The following PEAK1 variants were observed in gnomAD, a reference collection of about 807,000 sequenced individuals.
PEAK1 encodes the protein inactive tyrosine-protein kinase PEAK1.
In PEAK1, 54 loss-of-function variants were observed where a neutral mutation model predicts 124.7. The observed-to-expected ratio is 0.43, with a 90% CI of 0.35 to 0.54. The LOEUF (loss-of-function observed/expected upper bound fraction) is 0.54, where lower values mean the gene tolerates loss of function less well. Among genes scored for constraint, PEAK1 ranks in the 20% least tolerant of loss-of-function variants. PEAK1 has a pLI of 0.01. For synonymous variants in PEAK1, 719 were observed against 760.0 expected (o/e 0.95, Z 0.89); for missense variants, 2,046 against 2,134.5 (o/e 0.96, Z 0.82).
intron 8 of PEAK1, among the ~76,000 whole-genome samples, chr15:77,140,479 AG>A (rs2053686898): frequency 6.6e-6 from 1 of 152,202 alleles, no homozygotes; most frequent in Admixed American, 6.5e-5. Context: ...AATGGAATAA[AG>A]GGGGAAAAAA....
intron 5 of PEAK1, among the ~76,000 whole-genome samples, chr15:77,262,283 C>T (rs1213475018): frequency 2.6e-5 from 4 of 152,048 alleles, no homozygotes; most frequent in African/African-American, 7.3e-5. Context: ...TGTAAATGGG[C>T]TAAATGCTCC....
chr15:77,353,447 G>C (rs778869694), intron 2 of PEAK1, among the ~76,000 whole-genome samples: 1 of 152,190 alleles, frequency 6.6e-6, no homozygotes, highest in Non-Finnish European at 1.5e-5. Flanking sequence ...CTGGGTGGTG[G>C]ACCGAAGCTG....
At chr15:77,124,428 A>G (rs979857098) in intron 9 of PEAK1, among the ~76,000 whole-genome samples, 2 of 152,094 alleles carry the variant, frequency 1.3e-5, no homozygotes, top group Non-Finnish European at 2.9e-5. Flanking sequence ...ACCCATTGAG[A>G]TCTCATCTTT....
chr15:77,359,722 T>A (rs968038524), intron 2 of PEAK1, among the ~76,000 whole-genome samples: 1 of 152,114 alleles, frequency 6.6e-6, no homozygotes, highest in Non-Finnish European at 1.5e-5. Flanking sequence ...TACTTAGGAA[T>A]AAATTTAACA....
At chr15:77,278,633 A>G (rs1354019935) in intron 5 of PEAK1, 15 of 519,376 alleles carry the variant, frequency 2.9e-5, no homozygotes, top group Admixed American at 2.6e-4. Context: ...CAAAGGAGAA[A>G]TGGGAAAAGC....
intron 8 of PEAK1, among the ~76,000 whole-genome samples, chr15:77,137,701 C>T (rs992222719): frequency 6.6e-6 from 1 of 152,128 alleles, no homozygotes; most frequent in African/African-American, 2.4e-5. Context: ...GTGGAAGGGA[C>T]TTGCCTTGTC....
At chr15:77,387,556 C>T (rs1314914307) in intron 1 of PEAK1, among the ~76,000 whole-genome samples, 1 of 152,104 alleles carries the variant, frequency 6.6e-6, no homozygotes, top group African/African-American at 2.4e-5. Flanking sequence ...CTTAGCAGAA[C>T]TGAGAATTAC....
chr15:77,148,174 G>A (rs551764325), intron 8 of PEAK1, among the ~76,000 whole-genome samples: 328 of 152,296 alleles, frequency 2.2e-3, no homozygotes, highest in South Asian at 6.0e-3. Context: ...AGCTCTTTGT[G>A]GGAATGGTTC....
At chr15:77,390,856 C>A (rs1020249187) in intron 1 of PEAK1, among the ~76,000 whole-genome samples, 2 of 152,170 alleles carry the variant, frequency 1.3e-5, no homozygotes, top group African/African-American at 4.8e-5. Context: ...TTAAACAGGA[C>A]AATAAACTGT....
intron 2 of PEAK1, among the ~76,000 whole-genome samples, chr15:77,358,222 T>A (rs989127653): frequency 2.0e-5 from 3 of 152,156 alleles, no homozygotes; most frequent in African/African-American, 7.2e-5. Flanking sequence ...CCCCTACCTC[T>A]GTATATATGC....
chr15:77,348,177 A>T, intron 2 of PEAK1: 1 of 971,972 alleles, frequency 1.0e-6, no homozygotes, highest in Non-Finnish European at 1.2e-6. Flanking sequence ...CTTAAGCCAC[A>T]TGCTAAGAAA....
intron 2 of PEAK1, chr15:77,334,783 T>C: frequency 1.0e-6 from 1 of 985,450 alleles, no homozygotes; most frequent in Non-Finnish European, 1.2e-6. Flanking sequence ...TGTCTTATTT[T>C]GTCATTTTGA....
chr15:77,383,694 T>A (rs914335755), intron 1 of PEAK1, among the ~76,000 whole-genome samples: 1 of 152,234 alleles, frequency 6.6e-6, no homozygotes, highest in Non-Finnish European at 1.5e-5. Flanking sequence ...GATTTAGGAA[T>A]TCTACCAAAT....
chr15:77,248,174 G>C (rs544680790), intron 6 of PEAK1, among the ~76,000 whole-genome samples: 1 of 152,168 alleles, frequency 6.6e-6, no homozygotes, highest in South Asian at 2.1e-4. Context: ...TGGGATTACA[G>C]GTGTGAACCA....
rs1265689969 is a variant in PEAK1 at position 77,333,716 on chromosome 15, G to A, written c.-603+31447C>T. Reference sequence around the variant, plus strand: ...ATTCATTCTCCTAATGAATTGAAATGGCTTCACTATCATACATTAATCTGT... The same window carrying A: ...ATTCATTCTCCTAATGAATTGAAATAGCTTCACTATCATACATTAATCTGT... On this transcript the variant is annotated intron_variant, in intron 2 of 9. Coordinates refer to ENST00000682557, the MANE Select transcript of PEAK1 (RefSeq NM_001385026.1). The A allele has an allele frequency of 4.1e-6, 4 of 968,788 alleles. No homozygotes were observed. In the East Asian group the frequency reaches 4.6e-4, roughly 111 times the overall value. The allele number at this position is 968,788 out of a possible 1,614,324, so 60.0% of individuals were successfully genotyped here.
intron 2 of PEAK1, chr15:77,351,603 C>T (rs1714177901): frequency 3.2e-6 from 2 of 621,686 alleles, no homozygotes; most frequent in South Asian, 7.1e-5. Flanking sequence ...ATGCTCAGGC[C>T]CACTCCCACA....
chr15:77,275,487 G>C (rs112085480), intron 5 of PEAK1, among the ~76,000 whole-genome samples: 2,276 of 152,194 alleles, frequency 0.015, 58 homozygotes, highest in African/African-American at 0.052. Flanking sequence ...GGAGGCCGAG[G>C]CGGGTGGATC....
At position 77,294,751 on chromosome 15, in the gene PEAK1, C is replaced by T. The variant is rs115861060; in HGVS notation, c.-602-8247G>A. On this transcript the variant is annotated intron_variant, in intron 2 of 9. Coordinates refer to ENST00000682557, the MANE Select transcript of PEAK1 (RefSeq NM_001385026.1). ...ACACTATCAATACCTAGTATAGATGCTGGACATTATAATATGTATGGTTAG... is the reference window on the plus strand; with the variant it reads ...ACACTATCAATACCTAGTATAGATGTTGGACATTATAATATGTATGGTTAG... 4.5e-3 allele frequency among the ~76,000 whole-genome samples: 683 copies of T among 152,172 alleles called. 5 individuals carry two copies. The highest frequency in any genetic ancestry group is 0.016 in the African/African-American group (654 of 41,514).
chr15:77,377,329 G>C (rs1158001988), intron 1 of PEAK1, among the ~76,000 whole-genome samples: 2 of 152,152 alleles, frequency 1.3e-5, no homozygotes, highest in African/African-American at 4.8e-5. Context: ...GTCTGCAGTG[G>C]GCAGTGATTG....
Sources: gnomAD v4.1 joint callset for allele counts (sites outside exome capture counted in the v4.1 genomes callset) on GRCh38, gnomAD v4.1.1 for gene constraint, MANE v1.5 for transcripts, NCBI Gene and HGNC (gene_info 2026-07-23, HGNC 2026-07-21) for gene names.